The following CMTM4 variants were observed in gnomAD, a reference collection of about 807,000 sequenced individuals.
CMTM4 encodes CKLF-like MARVEL transmembrane domain-containing protein 4.
In CMTM4, 8 loss-of-function variants were observed where a neutral mutation model predicts 19.0. The ratio of observed to expected loss-of-function variants is 0.42; its 90% CI spans 0.25 to 0.76. The LOEUF (loss-of-function observed/expected upper bound fraction) is 0.76, where lower values mean the gene tolerates loss of function less well. Among genes scored for constraint, CMTM4 ranks in the 30% least tolerant of loss-of-function variants. The pLI is 0.27. For missense variants in CMTM4, 228 were observed against 290.2 expected, an observed-to-expected ratio of 0.79 and a Z score of 1.56; for synonymous variants, 106 against 121.1, an observed-to-expected ratio of 0.88 and a Z score of 0.82.
At chr16:66,609,882 G>A (rs866588793), downstream of CMTM4, 8 of 1,614,172 alleles carry the variant, frequency 5.0e-6, no homozygotes, top group East Asian at 1.8e-4. This position sits in a 1 kb window ranked among gnomAD's most constrained non-coding sequence, Gnocchi z 4.4. Flanking sequence ...CCTGTCCACA[G>A]GTGTTTGGCT....
chr16:66,681,448 C>G (rs2016912507), intron 1 of CMTM4, among the ~76,000 whole-genome samples: 1 of 151,994 alleles, frequency 6.6e-6, no homozygotes, highest in African/African-American at 2.4e-5. Context: ...TCCCAAGTAG[C>G]TGGGACTACA....
chr16:66,676,215 C>T (rs1250652744), intron 1 of CMTM4, among the ~76,000 whole-genome samples: 1 of 152,080 alleles, frequency 6.6e-6, no homozygotes, highest in Admixed American at 6.6e-5. Context: ...TGGGCAATTG[C>T]CTGAGTTGGT....
chr16:66,665,016 T>G (rs2016566690), intron 1 of CMTM4, among the ~76,000 whole-genome samples: 1 of 151,926 alleles, frequency 6.6e-6, no homozygotes, highest in Admixed American at 6.6e-5. Flanking sequence ...CAATCACAGC[T>G]CAGTGCAGCC....
chr16:66,691,607 G>T (rs1378889352), intron 1 of CMTM4, among the ~76,000 whole-genome samples: 1 of 152,140 alleles, frequency 6.6e-6, no homozygotes, highest in Admixed American at 6.5e-5. Flanking sequence ...GGGCTGAGGT[G>T]GAAGGATCAC....
At chr16:66,630,282 TTCCCTC>T (rs1361958090) in intron 2 of CMTM4, among the ~76,000 whole-genome samples, 1 of 134,290 alleles carries the variant, frequency 7.4e-6, no homozygotes, top group Non-Finnish European at 1.6e-5. Flanking sequence ...ACACAAGACT[TTCCCTC>T]TCCCTCTCCC....
intron 1 of CMTM4, among the ~76,000 whole-genome samples, chr16:66,672,499 T>C (rs2016728071): frequency 6.6e-6 from 1 of 150,410 alleles, no homozygotes; most frequent in Non-Finnish European, 1.5e-5. Context: ...TATATATTAT[T>C]ATATATAGGC....
chr16:66,676,419 TC>T (rs1398172367), intron 1 of CMTM4, among the ~76,000 whole-genome samples: 2 of 151,982 alleles, frequency 1.3e-5, no homozygotes, highest in African/African-American at 4.8e-5. Context: ...GGATCAAACC[TC>T]CATCCCTATG....
At chr16:66,609,612 T>A in the CMTM4 span, 12 of 1,519,084 alleles carry the variant, frequency 7.9e-6, no homozygotes, top group East Asian at 2.9e-4. This position sits in a 1 kb window ranked among gnomAD's most constrained non-coding sequence, Gnocchi z 4.4. Context: ...GCAGAGCCTT[T>A]CCCTGCTGGG....
the CMTM4 span, among the ~76,000 whole-genome samples, chr16:66,598,671 T>A: frequency 2.0e-5 from 3 of 152,206 alleles, no homozygotes; most frequent in Admixed American, 6.5e-5. Flanking sequence ...ATGGAGTATG[T>A]ACCTTTTGAG....
rs943284500 is a variant in CMTM4 at position 66,621,151 on chromosome 16, T to C, written c.*907A>G. ...CACATCCCTAAAATAGAGGGGTGTG[T>C]GTGTGCATGTGTGCGCGCACGCGTG... On this transcript the variant is annotated 3_prime_UTR_variant, in exon 4 of 4. Coordinates refer to ENST00000394106, the MANE Select transcript of CMTM4 (RefSeq NM_181521.3). 21 of 985,644 alleles carry C rather than the reference T, an allele frequency of 2.1e-5. No homozygotes were observed. The highest frequency in any genetic ancestry group is 2.4e-5 in the Non-Finnish European group (20 of 829,948). The allele number at this position is 985,644 out of a possible 1,614,324, so 61.1% of individuals were successfully genotyped here.
At chr16:66,599,256 C>T in the CMTM4 span, among the ~76,000 whole-genome samples, 1 of 152,132 alleles carries the variant, frequency 6.6e-6, no homozygotes, top group African/African-American at 2.4e-5. Context: ...TGCCACTGCA[C>T]TCCAGCCTCA....
rs748503909 is a variant in CMTM4, at chr16:66,621,782, CAAAG to C, written c.*272_*275del. On this transcript the variant is annotated 3_prime_UTR_variant, in exon 4 of 4. Transcript: ENST00000394106. ...TACACACGACAAGGTGGCTCAGAGT[CAAAG>C]GAAGCCTGTGCTTCAGGGCAGGTAA... is the stretch of plus-strand genomic sequence containing the variant. 143 of 1,280,554 alleles carry C rather than the reference CAAAG, an allele frequency of 1.1e-4. No homozygotes were observed. The highest frequency in any genetic ancestry group is 1.3e-4 in the Non-Finnish European group (134 of 1,006,896). 79.3% of individuals were successfully genotyped at this position (1,280,554 alleles called of 1,614,324 possible).
At position 66,682,200 on chromosome 16, in the gene CMTM4, T is replaced by C. The variant is rs76819070; in HGVS notation, c.186+14140A>G. ...AAAGTATGGATTTTTTAAAAAGGGGTGAATGATAGCATTTTTACTGACATC... is the reference window on the plus strand; with the variant it reads ...AAAGTATGGATTTTTTAAAAAGGGGCGAATGATAGCATTTTTACTGACATC... On this transcript the variant is annotated intron_variant, in intron 1 of 3. Coordinates refer to ENST00000394106, the MANE Select transcript of CMTM4 (RefSeq NM_181521.3). Among the ~76,000 whole-genome samples, 947 of 152,250 alleles carry C rather than the reference T, an allele frequency of 6.2e-3. 2 individuals are homozygous for C. Among genetic ancestry groups the C allele is most frequent in the Non-Finnish European group, 8.7e-3 (590 of 68,024 alleles).
chr16:66,656,706 A>T (rs1014054379), intron 1 of CMTM4, among the ~76,000 whole-genome samples: 1 of 151,980 alleles, frequency 6.6e-6, no homozygotes, highest in Non-Finnish European at 1.5e-5. Flanking sequence ...ACATCCCCTT[A>T]ACCAGGTTAA....
At position 66,617,309 on chromosome 16, in the gene CMTM4, G is replaced by A. The variant is rs745825863; in HGVS notation, c.*4749C>T. ...AGTTGCCAGTGATTCAAACTCAGCA[G>A]GTTTGTGGGTGATTTTTTCCTTACT... On this transcript the variant is annotated 3_prime_UTR_variant, in exon 4 of 4. Coordinates refer to ENST00000394106, the MANE Select transcript of CMTM4 (RefSeq NM_181521.3). 7 of 1,614,094 alleles carry A rather than the reference G, an allele frequency of 4.3e-6. No homozygotes were observed. In the Admixed American group the frequency reaches 1.0e-4, roughly 23 times the overall value.
chr16:66,696,668 T>A lies in CMTM4; in HGVS notation c.-143A>T. On this transcript the variant is annotated 5_prime_UTR_variant, in exon 1 of 4. Transcript: ENST00000394106. This position sits in a 1 kb window ranked among gnomAD's most constrained non-coding sequence, Gnocchi z 4.3. ...CCGCGGCCCGCCCGCCGCCGCCGCC[T>A]CTCGCCCGCCGCCCGGCTGCGGCTG... 7.3e-6 allele frequency: 2 copies of A among 275,202 alleles called. No homozygotes were observed. Among genetic ancestry groups the A allele is most frequent in the Non-Finnish European group, 1.1e-5 (2 of 183,516 alleles). The allele number at this position is 275,202 out of a possible 1,614,324, so 17.0% of individuals were successfully genotyped here.
downstream of CMTM4, chr16:66,613,079 T>C: frequency 2.8e-6 from 2 of 703,044 alleles, no homozygotes; most frequent in South Asian, 1.5e-5. Flanking sequence ...TGGGTTTGTC[T>C]GCACTTGGTG....
chr16:66,671,572 C>T (rs1423820028), intron 1 of CMTM4, among the ~76,000 whole-genome samples: 1 of 152,196 alleles, frequency 6.6e-6, no homozygotes, highest in East Asian at 1.9e-4. Flanking sequence ...CTCCCCTGAA[C>T]CTCCAAGGAA....
At chr16:66,659,353 C>T (rs145660287) in intron 1 of CMTM4, among the ~76,000 whole-genome samples, 2,953 of 149,942 alleles carry the variant, frequency 0.02, 67 homozygotes, top group South Asian at 0.11. Context: ...CCAGCCTGGG[C>T]GACAGAGTGA....
Sources: gnomAD v4.1 joint callset for allele counts (sites outside exome capture counted in the v4.1 genomes callset) on GRCh38, gnomAD v4.1.1 for gene constraint, Gnocchi (gnomAD v3.1) non-coding constraint, MANE v1.5 for transcripts, NCBI Gene and HGNC (gene_info 2026-07-23, HGNC 2026-07-21) for gene names.